IGSF11: variants seen among roughly 807,000 people sequenced by gnomAD.
IGSF11 encodes immunoglobulin superfamily member 11, also known as CXADR like 1.
A neutral mutation model predicts 41.0 loss-of-function variants in IGSF11; 22 were observed. The observed-to-expected ratio is 0.54, with a 90% confidence interval of 0.38 to 0.77. IGSF11 has a LOEUF of 0.77. Among genes scored for constraint, IGSF11 ranks in the 30% least tolerant of loss-of-function variants. The pLI, the probability that IGSF11 is intolerant of heterozygous loss-of-function variation, is 0.00. For missense variants in IGSF11, 444 were observed against 530.8 expected, an observed-to-expected ratio of 0.84 and a Z score of 1.61; for synonymous variants, 219 against 201.3, an observed-to-expected ratio of 1.09 and a Z score of -0.74.
intron 1 of IGSF11, chr3:118,945,140 G>T (rs1944017520): frequency 6.6e-6 from 1 of 152,162 alleles, no homozygotes; most frequent in Non-Finnish European, 1.5e-5. Context: ...CACAAAGGAG[G>T]TTTTTAATAA....
At chr3:119,122,146 C>A (rs1040872161) in intron 1 of IGSF11, among the ~76,000 whole-genome samples, 3 of 152,188 alleles carry the variant, frequency 2.0e-5, no homozygotes, top group African/African-American at 7.2e-5. Flanking sequence ...CTGAAAGAGG[C>A]ACTGAAAAGG....
At chr3:119,125,212 A>C (rs1479230027) in intron 1 of IGSF11, among the ~76,000 whole-genome samples, 6 of 152,216 alleles carry the variant, frequency 3.9e-5, no homozygotes, top group Non-Finnish European at 8.8e-5. Flanking sequence ...ATAAGAAATC[A>C]TCTGAAAGGG....
At chr3:119,052,928 T>C (rs575473790) in intron 1 of IGSF11, among the ~76,000 whole-genome samples, 25 of 152,056 alleles carry the variant, frequency 1.6e-4, no homozygotes, top group Non-Finnish European at 2.5e-4. Flanking sequence ...TGAAAAAGCG[T>C]TTCACAAAAT....
Sources: allele counts gnomAD v4.1 joint callset (sites outside exome capture counted in the v4.1 genomes callset), GRCh38; gene constraint gnomAD v4.1.1; transcripts MANE v1.5; gene names NCBI Gene and HGNC (gene_info 2026-07-23, HGNC 2026-07-21).